HSPG2: variants seen among roughly 807,000 people sequenced by gnomAD.
The protein encoded by HSPG2 is heparan sulfate proteoglycan 2.
A neutral mutation model predicts 526.6 loss-of-function variants in HSPG2; 278 were observed. The observed-to-expected ratio is 0.53, with a 90% confidence interval of 0.48 to 0.58. The LOEUF (loss-of-function observed/expected upper bound fraction) is 0.58. HSPG2 is among the 20% of genes least tolerant of loss of function. The pLI is 0.00. For missense variants in HSPG2, 5,354 were observed against 6,099.5 expected, an observed-to-expected ratio of 0.88 and a Z score of 4.07; for synonymous variants, 2,465 against 2,555.4, an observed-to-expected ratio of 0.96 and a Z score of 1.07.
intron 1 of HSPG2, among the ~76,000 whole-genome samples, chr1:21,901,236 C>G (rs1460712674): frequency 3.3e-5 from 5 of 152,116 alleles, no homozygotes; most frequent in African/African-American, 1.2e-4. Context: ...TGGGATCAAG[C>G]AGGTAAGGCA....
rs1480912051 is a variant in HSPG2 at position 21,829,507 on chromosome 1, C to A, written c.11868G>T (p.Glu3956Asp). The A allele has an allele frequency of 5.0e-6, 8 of 1,613,094 alleles. No individual in the cohort carries two copies. The highest frequency in any genetic ancestry group is 3.4e-6 in the Non-Finnish European group (4 of 1,179,868). ...CCCCGTCAGGGGCGAGTGGCTTGAA[C>A]TCCACGTCCAGGCGTAGCTCGTGGT... ...NTHHELRLDV[E>D]FKPLAPDGVL... The change falls in exon 87 of 97, where the codon GAG becomes GAT. Residue 3956 changes from glutamate (E) to aspartate (D), a missense_variant. Physicochemically the swap from Glu to Asp is conservative, Grantham distance 45. Transcript: ENST00000374695.
At chr1:21,928,691 C>T (rs951749163) in intron 1 of HSPG2, among the ~76,000 whole-genome samples, 5 of 152,086 alleles carry the variant, frequency 3.3e-5, no homozygotes, top group African/African-American at 1.2e-4. Flanking sequence ...ATCTGCTCAC[C>T]TCAGCCTCCC....
rs1003028102 is a variant in HSPG2, at chr1:21,864,905, G to T, written c.4564C>A (p.Pro1522Thr). The T allele has an allele frequency of 3.7e-6, 6 of 1,610,000 alleles. No individual in the cohort carries two copies. The highest frequency in any genetic ancestry group is 1.3e-5 in the African/African-American group (1 of 74,924). The change falls in exon 36 of 97, where the codon CCC becomes ACC. Residue 1522 changes from proline to threonine, a missense_variant. Transcript: ENST00000374695. The surrounding 1 kb of genome is among the most constrained non-coding windows in gnomAD (Gnocchi z 4.8). Reference sequence around the variant, plus strand: ...CACTCCTCCACCTCGAGGGCGCGGGGTCTGTTTGAGGGCCCCGGCTGGGCG... The same window carrying T: ...CACTCCTCCACCTCGAGGGCGCGGGTTCTGTTTGAGGGCCCCGGCTGGGCG... ...EVAQPGPSNR[P>T]RALEVEECRC...
At chr1:21,831,415 C>G (rs759316114) in intron 83 of HSPG2, 48 bp downstream of exon 83, 1 of 1,606,662 alleles carries the variant, frequency 6.2e-7, no homozygotes, top group African/African-American at 1.3e-5. Flanking sequence ...GCTCTTCCAG[C>G]CAGCCAGGTA....
rs1643261476 is a variant in HSPG2, at chr1:21,904,400, G to C, written c.64-8090C>G. Among the ~76,000 whole-genome samples, 1 of 152,208 alleles carries C rather than the reference G, an allele frequency of 6.6e-6. No homozygotes were observed. Among genetic ancestry groups the C allele is most frequent in the African/African-American group, 2.4e-5 (1 of 41,444 alleles). ...GCGGGGTGGGAGGAAGCCTGGTGCA[G>C]CGGGACACGCGTGTGAGTGGCAGAG... is the stretch of plus-strand genomic sequence containing the variant. On this transcript the variant is annotated intron_variant, in intron 1 of 96. Transcript: ENST00000374695. The surrounding 1 kb of genome is among the most constrained non-coding windows in gnomAD (Gnocchi z 4.4).
At chr1:21,826,216 T>C (rs1364772965) in intron 91 of HSPG2, among the ~76,000 whole-genome samples, 2 of 152,092 alleles carry the variant, frequency 1.3e-5, no homozygotes. Context: ...ACCATAGCCA[T>C]GTGCCACCAC....
rs764308704 is a variant in HSPG2, at chr1:21,839,050, A to G, written c.9925T>C (p.Ser3309Pro). Reference sequence around the variant, plus strand: ...TGCACCGTCTCCCCTGCCTGCACCGAAGCGTGCTCTGGGACCGTGGTGGCA... The same window carrying G: ...TGCACCGTCTCCCCTGCCTGCACCGGAGCGTGCTCTGGGACCGTGGTGGCA... ...PYATTVPEHA[S>P]VQAGETVQLQ... Residue 3309 changes from serine (S) to proline (P), a missense_variant, in exon 74 of 97, where the codon TCG (serine) becomes CCG (proline). By Grantham distance (74) the Ser-to-Pro change is moderately conservative. Transcript: ENST00000374695. This position sits in a 1 kb window ranked among gnomAD's most constrained non-coding sequence, Gnocchi z 4.5. The G allele has an allele frequency of 3.1e-6, 5 of 1,595,012 alleles. No individual in the cohort carries two copies. The East Asian group carries it at 9.0e-5, about 29-fold the overall frequency.
chr1:21,886,701 C>T (rs1229033158), intron 9 of HSPG2, among the ~76,000 whole-genome samples: 2 of 151,878 alleles, frequency 1.3e-5, no homozygotes, highest in Admixed American at 6.6e-5. Context: ...GGAAGAAGGA[C>T]GACAGATGGA....
At chr1:21,883,670 C>T (rs773994350) in intron 13 of HSPG2, among the ~76,000 whole-genome samples, 107 of 152,180 alleles carry the variant, frequency 7.0e-4, no homozygotes, top group Non-Finnish European at 1.4e-3. Context: ...CCTCAACCAA[C>T]AAAAGGGCAT....
At position 21,851,529 on chromosome 1, in the gene HSPG2, G is replaced by A; in HGVS notation, c.7158+17C>T. 1 of 1,613,478 alleles carries A rather than the reference G, an allele frequency of 6.2e-7. No individual in the cohort carries two copies. The highest frequency in any genetic ancestry group is 2.2e-5 in the East Asian group (1 of 44,884). ...CCCGCTTCCTCTTCTTGGCCTGTCTGTCCTCCAGTCCCATACCTGGTGCCG... is the reference window on the plus strand; with the variant it reads ...CCCGCTTCCTCTTCTTGGCCTGTCTATCCTCCAGTCCCATACCTGGTGCCG... On this transcript the variant is annotated intron_variant, in intron 55 of 96. Coordinates refer to ENST00000374695, the MANE Select transcript of HSPG2 (RefSeq NM_005529.7).
chr1:21,846,645 T>C, intron 62 of HSPG2, 46 bp from the exon 63 acceptor site: 1 of 1,611,256 alleles, frequency 6.2e-7, no homozygotes, highest in Non-Finnish European at 8.5e-7. Flanking sequence ...TTGTCAGATT[T>C]GGGAACAGGG....
At chr1:21,862,524 G>C (rs553381480) in intron 37 of HSPG2, among the ~76,000 whole-genome samples, 3 of 148,280 alleles carry the variant, frequency 2.0e-5, no homozygotes, top group Non-Finnish European at 4.5e-5. Context: ...GTGGAGGTTG[G>C]AGTGAGCCGA....
chr1:21,851,278 G>A (rs751635594), intron 55 of HSPG2: 5 of 538,814 alleles, frequency 9.3e-6, no homozygotes, highest in East Asian at 3.4e-5. Context: ...CGGCTGGTAC[G>A]TACCATTGTT....
intron 29 of HSPG2, 44 bp downstream of exon 29, chr1:21,873,881 A>AC: frequency 6.7e-7 from 1 of 1,490,686 alleles, no homozygotes; most frequent in Non-Finnish European, 9.1e-7. Context: ...TTCCAGGGAC[A>AC]CCCCCTGTGC....
intron 80 of HSPG2, 45 bp downstream of exon 80, chr1:21,833,223 C>T: frequency 6.5e-7 from 1 of 1,532,036 alleles, no homozygotes; most frequent in Non-Finnish European, 9.0e-7. Flanking sequence ...CACGAGGTCC[C>T]TCAACCCAGG....
At position 21,876,237 on chromosome 1, in the gene HSPG2, C is replaced by T. The variant is rs1174633773; in HGVS notation, c.2995G>A (p.Gly999Arg). The stretch of plus-strand genomic sequence containing the variant: ...TTCCACCCACTACCCACCTTGTCCC[C>T]CAGGAAGCGTGAAGGGAGGCTCCAG... ...YFWSLPSRFL[G>R]DKVTSYGGEL... The change falls in exon 23 of 97, where the codon GGG becomes AGG. Residue 999 changes from glycine (G) to arginine (R), a missense_variant. Transcript: ENST00000374695. The T allele has an allele frequency of 1.2e-6, 2 of 1,608,264 alleles. No homozygotes were observed. Among genetic ancestry groups the T allele is most frequent in the Non-Finnish European group, 1.7e-6 (2 of 1,177,412 alleles).
At chr1:21,909,588 G>A (rs1017111835) in intron 1 of HSPG2, among the ~76,000 whole-genome samples, 1 of 152,252 alleles carries the variant, frequency 6.6e-6, no homozygotes, top group Non-Finnish European at 1.5e-5. Flanking sequence ...CATCAGTGGG[G>A]CTGGCATCCC....
intron 33 of HSPG2, among the ~76,000 whole-genome samples, chr1:21,866,631 G>A (rs1283379433): frequency 2.6e-4 from 39 of 152,214 alleles, no homozygotes; most frequent in Non-Finnish European, 1.0e-4. Context: ...AAGCCCACTG[G>A]ACTTGGGCAC....
chr1:21,896,007 T>C (rs1337880043), intron 2 of HSPG2, 41 bp from the exon 3 acceptor site: 2 of 1,608,626 alleles, frequency 1.2e-6, no homozygotes, highest in African/African-American at 1.3e-5. Context: ...CAACAAGTAT[T>C]TGTTGAGTAC....
Sources: gnomAD v4.1 joint callset for allele counts (sites outside exome capture counted in the v4.1 genomes callset) on GRCh38, gnomAD v4.1.1 for gene constraint, Gnocchi (gnomAD v3.1) non-coding constraint, MANE v1.5 for transcripts, NCBI Gene and HGNC (gene_info 2026-07-23, HGNC 2026-07-21) for gene names.